The following CCDC88C variants were observed in gnomAD, a reference collection of about 807,000 sequenced individuals.
CCDC88C encodes the protein protein Daple.
In CCDC88C, 131 loss-of-function variants were observed where a neutral mutation model predicts 198.8. The ratio of observed to expected loss-of-function variants is 0.66; its 90% confidence interval spans 0.57 to 0.76. CCDC88C has a LOEUF of 0.76. CCDC88C is among the 30% of genes least tolerant of loss of function. The probability of loss-of-function intolerance (pLI) is 0.00; values close to 1 mark genes in which losing one functional copy is unlikely to be tolerated. For synonymous variants in CCDC88C, 1,166 were observed against 1,114.7 expected (o/e 1.05, Z -0.92); for missense variants, 2,553 against 2,631.6 (o/e 0.97, Z 0.65).
rs1272087455 is a variant in CCDC88C, at chr14:91,321,376, G to A, written c.1343-72C>T. 1.3e-5 allele frequency: 19 copies of A among 1,481,570 alleles called. No homozygotes were observed. The Admixed American group carries it at 2.4e-4, about 18-fold the overall frequency. The allele number at this position is 1,481,570 out of a possible 1,614,324, so 91.8% of individuals were successfully genotyped here. A position where few individuals can be genotyped will look rare whatever the true frequency, so the allele number is the denominator to read the frequency against. On this transcript the variant is annotated intron_variant, in intron 12 of 29. Coordinates refer to ENST00000389857, the MANE Select transcript of CCDC88C (RefSeq NM_001080414.4). ...TTCCACTCTCTGCCCCAAGCTCCGA[G>A]ATGGTCATCAGTCCCGGAGTCCAGG...
chr14:91,348,242 G>A (rs543687716), intron 4 of CCDC88C, among the ~76,000 whole-genome samples: 1 of 151,186 alleles, frequency 6.6e-6, no homozygotes, highest in African/African-American at 2.4e-5. Context: ...CTGACCTCAA[G>A]TGATCTGCTT....
At position 91,325,116 on chromosome 14, in the gene CCDC88C, C is replaced by T. The variant is rs1892528647; in HGVS notation, c.1198-193G>A. On this transcript the variant is annotated intron_variant, in intron 11 of 29. Coordinates refer to ENST00000389857, the MANE Select transcript of CCDC88C (RefSeq NM_001080414.4). This position sits in a 1 kb window ranked among gnomAD's most constrained non-coding sequence, Gnocchi z 4.1. ...TGAGAGGGAAAGCCACTCAAAGGTA[C>T]CCTGACCTGGCTACCTAGGTTATGA... Among the ~76,000 whole-genome samples the T allele has an allele frequency of 6.6e-6, 1 of 152,132 alleles. No individual in the cohort carries two copies. The highest frequency in any genetic ancestry group is 2.4e-5 in the African/African-American group (1 of 41,430).
At chr14:91,336,515 G>A (rs1893051092) in intron 10 of CCDC88C, among the ~76,000 whole-genome samples, 2 of 152,150 alleles carry the variant, frequency 1.3e-5, no homozygotes, top group South Asian at 2.1e-4. Context: ...CCCACCCGGG[G>A]CATTTCCAGT....
rs557999756 is a variant in CCDC88C, at chr14:91,339,316, G to A, written c.771C>T (p.Ala257=). 43 of 1,613,418 alleles carry A rather than the reference G, an allele frequency of 2.7e-5. No individual in the cohort carries two copies. The highest frequency in any genetic ancestry group is 1.2e-4 in the African/African-American group (9 of 75,044). ...CGCGCCGCAGCCTGGCCTTGGTGTC[G>A]GCCAGCTCTACGGCCAGGTGCTGCT... The part of the protein sequence containing the change: ...EDKQHLAVEL[A]DTKARLRRVR... The change falls in exon 8 of 30, where the codon GCC becomes GCT. Residue 257 remains alanine, a synonymous_variant. Transcript: ENST00000389857. The surrounding 1 kb of genome is among the most constrained non-coding windows in gnomAD (Gnocchi z 5.8).
intron 15 of CCDC88C, among the ~76,000 whole-genome samples, chr14:91,310,554 G>A (rs142930107): frequency 6.6e-6 from 1 of 152,074 alleles, no homozygotes. Context: ...GGAATTACAG[G>A]TGTGCACCAG....
Position 91,326,000 on chromosome 14 carries a change from C to A in CCDC88C, c.1107G>T (p.Gln369His). 1 of 1,602,800 alleles carries A rather than the reference C, an allele frequency of 6.2e-7. No homozygotes were observed. Among genetic ancestry groups the A allele is most frequent in the Non-Finnish European group, 8.5e-7 (1 of 1,174,300 alleles). The change falls in exon 11 of 30, where the codon CAG becomes CAT. Residue 369 changes from glutamine to histidine, a missense_variant. Coordinates refer to ENST00000389857, the MANE Select transcript of CCDC88C (RefSeq NM_001080414.4). The surrounding 1 kb of genome is among the most constrained non-coding windows in gnomAD (Gnocchi z 4.1). ...LIETKAMLEEQLTAARARGDK... is the reference protein window; with the variant it reads ...LIETKAMLEEHLTAARARGDK... The stretch of plus-strand genomic sequence containing the variant: ...CGCCCCGGGCCCGAGCAGCAGTCAG[C>A]TGTTCCTCCAGCATGGCCTTGGTTT...
intron 17 of CCDC88C, 74 bp downstream of exon 17, chr14:91,308,275 CTA>C: frequency 6.4e-7 from 1 of 1,562,964 alleles, no homozygotes; most frequent in South Asian, 1.2e-5. Flanking sequence ...CACCCCACTG[CTA>C]TACAGGTGAG....
intron 3 of CCDC88C, chr14:91,408,356 G>A (rs913728531): frequency 2.2e-5 from 7 of 316,030 alleles, no homozygotes; most frequent in South Asian, 1.0e-4. Flanking sequence ...ATTCCAGCCA[G>A]TCCCCACTCA....
Position 91,273,122 on chromosome 14 carries a change from C to A in CCDC88C, c.5590G>T (p.Val1864Leu). ...HSLARERTPLVGKAGSSCQGP... is the reference protein window; with the variant it reads ...HSLARERTPLLGKAGSSCQGP... ...TGACAGGAGCTGCCAGCCTTTCCCA[C>A]AAGTGGGGTCCGCTCCCGGGCCAGG... Residue 1864 changes from valine (V) to leucine (L), a missense_variant, in exon 30 of 30, where the codon GTG (valine) becomes TTG (leucine). Transcript: ENST00000389857. The surrounding 1 kb of genome is among the most constrained non-coding windows in gnomAD (Gnocchi z 5.6). 1 of 1,573,506 alleles carries A rather than the reference C, an allele frequency of 6.4e-7. No homozygotes were observed. The highest frequency in any genetic ancestry group is 8.6e-7 in the Non-Finnish European group (1 of 1,159,830).
At position 91,338,687 on chromosome 14, in the gene CCDC88C, G is replaced by A. The variant is rs1169744788; in HGVS notation, c.810-117C>T. 17 of 743,790 alleles carry A rather than the reference G, an allele frequency of 2.3e-5. 1 individual carries two copies. The Middle Eastern group carries it at 1.1e-3, about 50-fold the overall frequency. The allele number at this position is 743,790 out of a possible 1,614,324, so 46.1% of individuals were successfully genotyped here. ...AAAGGAAAGGACTCGGGATTTGGGC[G>A]GTGGGGAGGCGATCTGCTTATGGGG... On this transcript the variant is annotated intron_variant, in intron 8 of 29. Transcript: ENST00000389857. The surrounding 1 kb of genome is among the most constrained non-coding windows in gnomAD (Gnocchi z 4.8).
intron 11 of CCDC88C, 39 bp from the exon 12 acceptor site, chr14:91,324,962 A>G: frequency 6.2e-7 from 1 of 1,611,304 alleles, no homozygotes; most frequent in Non-Finnish European, 8.5e-7. Flanking sequence ...GAGGCTGCAC[A>G]GCTGGAGATC....
At chr14:91,416,430 T>C (rs776513002) in intron 2 of CCDC88C, among the ~76,000 whole-genome samples, 28 of 152,306 alleles carry the variant, frequency 1.8e-4, no homozygotes, top group Admixed American at 5.2e-4. Context: ...GACTTTTTCA[T>C]TTCATTGCTC....
chr14:91,299,418 A>G (rs1420966059), intron 21 of CCDC88C, among the ~76,000 whole-genome samples: 3 of 152,232 alleles, frequency 2.0e-5, no homozygotes, highest in African/African-American at 7.2e-5. Context: ...AGGAGCTGAA[A>G]CAAGAAGGCA....
At chr14:91,307,009 A>G in intron 18 of CCDC88C, 29 bp downstream of exon 18, 2 of 1,584,940 alleles carry the variant, frequency 1.3e-6, no homozygotes, top group South Asian at 1.1e-5. Flanking sequence ...TCTGTCCCCG[A>G]TGGACCATGC....
chr14:91,295,011 A>G (rs1280878384), intron 22 of CCDC88C, among the ~76,000 whole-genome samples: 2 of 152,182 alleles, frequency 1.3e-5, no homozygotes, highest in Non-Finnish European at 2.9e-5. Context: ...TGGGAAAATC[A>G]CAGGCTTTGG....
intron 15 of CCDC88C, 86 bp from the exon 16 acceptor site, chr14:91,310,072 A>C: frequency 7.3e-7 from 1 of 1,374,572 alleles, no homozygotes. Context: ...GGTGTGAGCA[A>C]CTGTCCTCCC....
intron 3 of CCDC88C, chr14:91,380,024 G>T: frequency 1.6e-6 from 1 of 639,562 alleles, no homozygotes; most frequent in Non-Finnish European, 2.8e-6. Context: ...CACGCTGAAG[G>T]TCCTTTCTCC....
At position 91,273,193 on chromosome 14, in the gene CCDC88C, G is replaced by C; in HGVS notation, c.5519C>G (p.Thr1840Arg). The change falls in exon 30 of 30, where the codon ACA becomes AGA. Residue 1840 changes from threonine (T) to arginine (R), a missense_variant. This residue lies in a region of CCDC88C where 1,293 missense variants were observed against 1,219.6 expected (regional missense o/e 1.06). Coordinates refer to ENST00000389857, the MANE Select transcript of CCDC88C (RefSeq NM_001080414.4). This position sits in a 1 kb window ranked among gnomAD's most constrained non-coding sequence, Gnocchi z 5.6. ...GAPEALGGRE[T>R]GSHTLQSPAP... The stretch of plus-strand genomic sequence containing the variant: ...GGGGCTTTGCAGGGTGTGGCTGCCT[G>C]TCTCTCTGCCCCCTAAGGCCTCAGG... 6.3e-7 allele frequency: 1 copy of C among 1,575,916 alleles called. No homozygotes were observed. Among genetic ancestry groups the C allele is most frequent in the Non-Finnish European group, 8.6e-7 (1 of 1,160,996 alleles).
chr14:91,277,172 A>G (rs1015360157), intron 29 of CCDC88C, among the ~76,000 whole-genome samples: 1 of 149,594 alleles, frequency 6.7e-6, no homozygotes, highest in Non-Finnish European at 1.5e-5. Context: ...TGTCTCTACA[A>G]CTCTGCTTAT....
Sources: gnomAD v4.1 joint callset for allele counts (sites outside exome capture counted in the v4.1 genomes callset) on GRCh38, gnomAD v4.1.1 for gene constraint, gnomAD v4.1.1 regional missense constraint, Gnocchi (gnomAD v3.1) non-coding constraint, MANE v1.5 for transcripts, NCBI Gene and HGNC (gene_info 2026-07-23, HGNC 2026-07-21) for gene names.